PIK3C3: variants seen among roughly 807,000 people sequenced by gnomAD.
PIK3C3 encodes phosphatidylinositol 3-kinase catalytic subunit type 3.
In PIK3C3, 95 loss-of-function variants were observed where a neutral mutation model predicts 126.1. That is an observed-to-expected ratio of 0.75 (90% CI 0.64 to 0.89). The LOEUF is 0.89. PIK3C3 is among the 40% of genes least tolerant of loss of function. The pLI, the probability that PIK3C3 is intolerant of heterozygous loss-of-function variation, is 0.00. For missense variants in PIK3C3, 829 were observed against 1,063.2 expected, an observed-to-expected ratio of 0.78 and a Z score of 3.06; for synonymous variants, 374 against 360.0, an observed-to-expected ratio of 1.04 and a Z score of -0.44.
In PIK3C3 at chr18:42,029,460, C is replaced by T. The variant is rs1220142905; in HGVS notation, c.1707+19C>T. ...GAAAAAGGTAAGCCTATGGTGTATG[C>T]TTTTGTTCCTAATAGCATCTTGGCA... On this transcript the variant is annotated intron_variant, in intron 15 of 24. Transcript: ENST00000262039. 1.5e-6 allele frequency: 2 copies of T among 1,362,786 alleles called. No individual in the cohort carries two copies. Among genetic ancestry groups the T allele is most frequent in the African/African-American group, 1.4e-5 (1 of 69,382 alleles). The allele number at this position is 1,362,786 out of a possible 1,614,324, so 84.4% of individuals were successfully genotyped here.
At chr18:42,017,317 A>G (rs753026451) in intron 12 of PIK3C3, among the ~76,000 whole-genome samples, 1 of 152,144 alleles carries the variant, frequency 6.6e-6, no homozygotes, top group Non-Finnish European at 1.5e-5. Flanking sequence ...TTTCAGGAGA[A>G]CATTATACGT....
intron 19 of PIK3C3, among the ~76,000 whole-genome samples, chr18:42,040,971 A>G (rs1352005219): frequency 6.6e-6 from 1 of 152,136 alleles, no homozygotes. Context: ...GGGATCAGGC[A>G]TTAATTGGTG....
chr18:41,997,972 A>G (rs192020008), intron 9 of PIK3C3, among the ~76,000 whole-genome samples: 4 of 152,298 alleles, frequency 2.6e-5, no homozygotes, highest in Non-Finnish European at 4.4e-5. Context: ...AAGCTGTTAC[A>G]TATTTATTTG....
chr18:41,990,397 A>G, intron 5 of PIK3C3, 62 bp from the exon 6 acceptor site: 1 of 931,682 alleles, frequency 1.1e-6, no homozygotes, highest in Non-Finnish European at 1.7e-6. Context: ...AATGATACAT[A>G]CTGATCCTTT....
chr18:41,993,912 G>A (rs527436541), intron 7 of PIK3C3, among the ~76,000 whole-genome samples: 2 of 152,164 alleles, frequency 1.3e-5, no homozygotes, highest in South Asian at 2.1e-4. Context: ...ATGCAAAAGA[G>A]GTTTAATTAG....
chr18:42,000,614 G>A (rs1982240183), intron 9 of PIK3C3, among the ~76,000 whole-genome samples: 1 of 152,074 alleles, frequency 6.6e-6, no homozygotes, highest in Non-Finnish European at 1.5e-5. Context: ...TCACACTTCT[G>A]ATAAAGACAT....
chr18:42,067,523 C>T lies in PIK3C3; in HGVS notation c.2649+10C>T. The T allele has an allele frequency of 6.2e-7, 1 of 1,613,982 alleles. No homozygotes were observed. Among genetic ancestry groups the T allele is most frequent in the Middle Eastern group, 1.7e-4 (1 of 6,058 alleles). On this transcript the variant is annotated intron_variant, in intron 24 of 24. Transcript: ENST00000262039. ...TCACAAGTTTGCCCAGGTAAGTTCCCTGAGTGCAGTGCATTTTTCTCACCT... is the reference window on the plus strand; with the variant it reads ...TCACAAGTTTGCCCAGGTAAGTTCCTTGAGTGCAGTGCATTTTTCTCACCT...
At chr18:42,040,081 T>C (rs1984237146) in intron 18 of PIK3C3, among the ~76,000 whole-genome samples, 1 of 152,058 alleles carries the variant, frequency 6.6e-6, no homozygotes, top group Admixed American at 6.5e-5. Context: ...ATATCCATTG[T>C]TTTATGTTTC....
At chr18:42,069,344 G>C (rs1338269365) in intron 24 of PIK3C3, among the ~76,000 whole-genome samples, 1 of 152,178 alleles carries the variant, frequency 6.6e-6, no homozygotes, top group East Asian at 1.9e-4. Flanking sequence ...ATATTTTAGA[G>C]GTATAGGGGG....
intron 21 of PIK3C3, 25 bp from the exon 22 acceptor site, chr18:42,057,858 A>T (rs372401431): frequency 9.3e-6 from 15 of 1,611,214 alleles, no homozygotes; most frequent in African/African-American, 4.0e-5. Flanking sequence ...TTCTGGAAAC[A>T]AATGAGTTTC....
At chr18:41,960,994 G>A (rs559144619) in intron 2 of PIK3C3, among the ~76,000 whole-genome samples, 3 of 152,052 alleles carry the variant, frequency 2.0e-5, no homozygotes, top group Admixed American at 6.6e-5. Context: ...TGCCTGCCTC[G>A]GCCTCCCAAA....
At chr18:42,026,395 T>G (rs1007549370) in intron 13 of PIK3C3, 2 of 152,216 alleles carry the variant, frequency 1.3e-5, no homozygotes, top group Non-Finnish European at 2.9e-5. Context: ...GGATGTTGCT[T>G]TGTGAAACTT....
chr18:41,966,984 G>A (rs1215505317), intron 3 of PIK3C3, among the ~76,000 whole-genome samples: 1 of 152,152 alleles, frequency 6.6e-6, no homozygotes, highest in African/African-American at 2.4e-5. Flanking sequence ...ACTGGCGCTT[G>A]TACTGACCTT....
chr18:42,014,996 CTA>C (rs1335728687), intron 11 of PIK3C3, among the ~76,000 whole-genome samples: 3 of 152,084 alleles, frequency 2.0e-5, no homozygotes, highest in African/African-American at 7.2e-5. Context: ...AAGTAAAAGT[CTA>C]TTCAGAATTT....
intron 7 of PIK3C3, among the ~76,000 whole-genome samples, chr18:41,995,193 TAAC>T (rs1353421323): frequency 6.6e-6 from 1 of 151,976 alleles, no homozygotes; most frequent in Non-Finnish European, 1.5e-5. Context: ...AAAAGACAGT[TAAC>T]AAACTGGGAG....
intron 10 of PIK3C3, among the ~76,000 whole-genome samples, chr18:42,006,010 G>T (rs1160855800): frequency 6.0e-5 from 9 of 150,924 alleles, no homozygotes; most frequent in African/African-American, 2.2e-4. Flanking sequence ...CTCTCCTTGG[G>T]TGTGATAATT....
chr18:41,966,177 C>CCTTTTTTT (rs1555671402), intron 3 of PIK3C3, among the ~76,000 whole-genome samples: 1 of 112,574 alleles, frequency 8.9e-6, no homozygotes, highest in African/African-American at 3.7e-5. Flanking sequence ...TATATTGTTC[C>CCTTTTTTT]TTTTTTTTTT....
At position 42,038,857 on chromosome 18, in the gene PIK3C3, G is replaced by A. The variant is rs1179994200; in HGVS notation, c.2038+7G>A. 9 of 1,524,116 alleles carry A rather than the reference G, an allele frequency of 5.9e-6. No individual in the cohort carries two copies. The highest frequency in any genetic ancestry group is 8.1e-6 in the Non-Finnish European group (9 of 1,106,092). The allele number at this position is 1,524,116 out of a possible 1,614,324, so 94.4% of individuals were successfully genotyped here. On this transcript the variant is annotated splice_region_variant and intron_variant, in intron 18 of 24. Coordinates refer to ENST00000262039, the MANE Select transcript of PIK3C3 (RefSeq NM_002647.4). ...GCCACCAGTACAAAACATGGTAAGT[G>A]TATTTTACATCATTATTATTTACTT... is the stretch of plus-strand genomic sequence containing the variant.
chr18:41,960,509 GATTGGAGCATCCAGATTT>G (rs1980024171), intron 2 of PIK3C3, among the ~76,000 whole-genome samples: 1 of 152,192 alleles, frequency 6.6e-6, no homozygotes, highest in Non-Finnish European at 1.5e-5. Flanking sequence ...ACCTGGTGGG[GATTGGAGCATCCAGATTT>G]AGGCTTTGCA....
Sources: allele counts gnomAD v4.1 joint callset (sites outside exome capture counted in the v4.1 genomes callset), GRCh38; gene constraint gnomAD v4.1.1; transcripts MANE v1.5; gene names NCBI Gene and HGNC (gene_info 2026-07-23, HGNC 2026-07-21).